The following ANK2 variants were observed in gnomAD, a reference collection of about 807,000 sequenced individuals.
ANK2 encodes the protein ankyrin 2, also known as ankyrin-2.
In ANK2, 83 loss-of-function variants were observed where a neutral mutation model predicts 360.5. That is an observed-to-expected ratio of 0.23 (90% confidence interval 0.19 to 0.28). ANK2 has a LOEUF of 0.28. Among genes scored for constraint, ANK2 ranks in the 10% least tolerant of loss-of-function variants. The pLI is 1.00. For synonymous variants in ANK2, 1,740 were observed against 1,759.5 expected, an observed-to-expected ratio of 0.99 and a Z score of 0.28; for missense variants, 4,201 against 4,795.7, an observed-to-expected ratio of 0.88 and a Z score of 3.66.
intron 1 of ANK2, among the ~76,000 whole-genome samples, chr4:113,138,415 A>G (rs796808716): frequency 3.3e-5 from 5 of 152,342 alleles, no homozygotes; most frequent in African/African-American, 1.2e-4. Context: ...CTGTGTTTCA[A>G]CACAGTACAA....
At chr4:112,801,916 A>G in the ANK2 span, among the ~76,000 whole-genome samples, 1 of 152,170 alleles carries the variant, frequency 6.6e-6, no homozygotes, top group Non-Finnish European at 1.5e-5. Context: ...GGTACAGAGT[A>G]TGATTAAGGG....
chr4:113,372,939 T>G (rs1208605681), intron 43 of ANK2, 151 bp from the exon 44 acceptor site: 21 of 811,502 alleles, frequency 2.6e-5, no homozygotes, highest in East Asian at 1.7e-4. Context: ...CCCACTTGAG[T>G]TTTTCACTAG....
intron 4 of ANK2, among the ~76,000 whole-genome samples, chr4:113,207,810 G>A (rs2098971840): frequency 6.6e-6 from 1 of 152,106 alleles, no homozygotes; most frequent in Admixed American, 6.5e-5. Context: ...CATCCAGTGT[G>A]TGCCCTCGAA....
intron 1 of ANK2, among the ~76,000 whole-genome samples, chr4:112,829,508 A>AAAAAAAAAAAAAAAAAAAAAAC (rs2059231538): frequency 6.6e-6 from 1 of 150,660 alleles, no homozygotes. Flanking sequence ...AAAAAAAAAA[A>AAAAAAAAAAAAAAAAAAAAAAC]AAGGAAGGGC....
At chr4:113,364,352 A>G (rs914195528) in intron 40 of ANK2, among the ~76,000 whole-genome samples, 3 of 152,186 alleles carry the variant, frequency 2.0e-5, no homozygotes, top group Non-Finnish European at 4.4e-5. Flanking sequence ...GTTGAGTGAG[A>G]ACTTAGTGAA....
In ANK2 at chr4:113,373,419, T is replaced by C; in HGVS notation, c.11829T>C (p.Val3943=). The C allele has an allele frequency of 6.2e-7, 1 of 1,614,156 alleles. No individual in the cohort carries two copies. The highest frequency in any genetic ancestry group is 8.5e-7 in the Non-Finnish European group (1 of 1,180,014). Residue 3943 remains valine, a synonymous_variant, in exon 45 of 46, where the codon GTT becomes GTC. Transcript: ENST00000357077. ...GCTATTCCAAAGTTATAAAGCGTGT[T>C]GTATTGAAGAGTGACACCGAGCAGT... ...GDGYSKVIKR[V]VLKSDTEQSE... is the part of the protein sequence containing the mutation.
intron 1 of ANK2, among the ~76,000 whole-genome samples, chr4:113,144,628 G>A (rs2096760704): frequency 6.6e-6 from 1 of 150,896 alleles, no homozygotes; most frequent in Admixed American, 6.6e-5. Context: ...ATCTAAGTCT[G>A]GACCCTGCAT....
intron 2 of ANK2, among the ~76,000 whole-genome samples, chr4:113,022,626 A>C (rs2058423991): frequency 2.0e-5 from 3 of 152,224 alleles, no homozygotes; most frequent in Admixed American, 6.5e-5. Flanking sequence ...ATTGCTACCT[A>C]TTCTATTAAT....
intron 2 of ANK2, among the ~76,000 whole-genome samples, chr4:113,027,871 A>AT (rs1158364057): frequency 6.6e-6 from 1 of 152,084 alleles, no homozygotes; most frequent in African/African-American, 2.4e-5. Flanking sequence ...GAAATGATTG[A>AT]TTTTTTTGTT....
chr4:113,123,838 C>T (rs1018258373), intron 1 of ANK2, among the ~76,000 whole-genome samples: 18 of 152,104 alleles, frequency 1.2e-4, no homozygotes, highest in African/African-American at 1.9e-4. Flanking sequence ...AAATTTCAAG[C>T]GATCGTAGAT....
chr4:112,899,261 C>T (rs2082600453), intron 1 of ANK2, among the ~76,000 whole-genome samples: 1 of 151,936 alleles, frequency 6.6e-6, no homozygotes. Context: ...TTCCAAATAC[C>T]ACATATTGGA....
chr4:113,049,805 C>A lies in ANK2; in HGVS notation c.77C>A (p.Pro26His). The part of the protein sequence containing the change: ...FNGSSQRRKR[P>H]KKSDSNASFL... ...GGCAGTAGTCAGAGGAGAAAAAGACCCAAGAAGGTAAATCGCCGGAATTAG... is the reference window on the plus strand; with the variant it reads ...GGCAGTAGTCAGAGGAGAAAAAGACACAAGAAGGTAAATCGCCGGAATTAG... Residue 26 changes from proline to histidine, a missense_variant, in exon 1 of 46, where the codon CCC becomes CAC. This residue lies in a region of ANK2 where 169 missense variants were observed against 191.1 expected (regional missense o/e 0.88). Transcript: ENST00000357077. 2 of 1,613,604 alleles carry A rather than the reference C, an allele frequency of 1.2e-6. No homozygotes were observed. Among genetic ancestry groups the A allele is most frequent in the Non-Finnish European group, 1.7e-6 (2 of 1,179,754 alleles).
intron 2 of ANK2, among the ~76,000 whole-genome samples, chr4:112,985,619 T>C (rs1294500890): frequency 6.6e-6 from 1 of 152,208 alleles, no homozygotes; most frequent in Non-Finnish European, 1.5e-5. Context: ...CAGTGTTAGT[T>C]CTTTGAAGCT....
At chr4:112,774,937 A>G in the ANK2 span, among the ~76,000 whole-genome samples, 5 of 152,244 alleles carry the variant, frequency 3.3e-5, no homozygotes, top group East Asian at 5.8e-4. Flanking sequence ...TTCACAGAGA[A>G]TCAGGCCGCT....
At chr4:112,966,433 T>C (rs559203460) in intron 2 of ANK2, among the ~76,000 whole-genome samples, 225 of 152,044 alleles carry the variant, frequency 1.5e-3, no homozygotes, top group African/African-American at 5.3e-3. Flanking sequence ...TTGTTTTTCT[T>C]TCCAGTTCTT....
rs76137023 is a variant in ANK2, at chr4:113,199,228, T to C, written c.384+119T>C. ...TAAATTTATTATAAGTGCTTTGTTA[T>C]TTATTTTAGCCAAATAATTTTATTA... On this transcript the variant is annotated intron_variant, in intron 4 of 45. Coordinates refer to ENST00000357077, the MANE Select transcript of ANK2 (RefSeq NM_001148.6). The C allele has an allele frequency of 0.017, 13,443 of 803,912 alleles. 1,251 individuals are homozygous for C. In the African/African-American group the frequency reaches 0.2, roughly 12 times the overall value. The allele number at this position is 803,912 out of a possible 1,614,324, so 49.8% of individuals were successfully genotyped here.
At chr4:112,714,273 C>T in the ANK2 span, among the ~76,000 whole-genome samples, 1 of 152,310 alleles carries the variant, frequency 6.6e-6, no homozygotes, top group East Asian at 1.9e-4. Flanking sequence ...ATCTCCACCT[C>T]CTGGGCTCAA....
intron 1 of ANK2, chr4:113,160,437 TA>T: frequency 3.6e-6 from 1 of 278,936 alleles, no homozygotes. Context: ...AGAGCAGATA[TA>T]AATTTTGCTA....
At chr4:112,819,096 G>T (rs757508797) in intron 1 of ANK2, among the ~76,000 whole-genome samples, 11 of 152,172 alleles carry the variant, frequency 7.2e-5, no homozygotes, top group Admixed American at 3.3e-4. Flanking sequence ...CTTAGGTGTG[G>T]CCTTTTTGGA....
Sources: allele counts gnomAD v4.1 joint callset (sites outside exome capture counted in the v4.1 genomes callset), GRCh38; gene constraint gnomAD v4.1.1; regional missense constraint gnomAD v4.1.1; transcripts MANE v1.5; gene names NCBI Gene and HGNC (gene_info 2026-07-23, HGNC 2026-07-21).